The following ENPP2 variants were observed in gnomAD, a reference collection of about 807,000 sequenced individuals.
The protein encoded by ENPP2 is autotaxin.
ENPP2 carries 51 observed loss-of-function variants against 120.2 expected under a neutral mutation model. The ratio of observed to expected loss-of-function variants is 0.42; its 90% CI spans 0.34 to 0.54. The LOEUF (loss-of-function observed/expected upper bound fraction) is 0.54. ENPP2 is among the 20% of genes least tolerant of loss of function. The pLI, the probability that ENPP2 is intolerant of heterozygous loss-of-function variation, is 0.04. For missense variants in ENPP2, 920 were observed against 1,066.5 expected (o/e 0.86, Z 1.91); for synonymous variants, 365 against 366.4 (o/e 1.00, Z 0.04).
chr8:119,651,409 C>T (rs546576367), intron 1 of ENPP2, among the ~76,000 whole-genome samples: 1 of 152,304 alleles, frequency 6.6e-6, no homozygotes, highest in Admixed American at 6.5e-5. Flanking sequence ...TTTATAAAAT[C>T]TTCACAGTAT....
Position 119,569,390 on chromosome 8 carries a change from A to G in ENPP2, c.1918-20T>C, listed in dbSNP as rs371898116. The G allele has an allele frequency of 3.3e-4, 534 of 1,613,260 alleles. 9 individuals are homozygous for G. In the South Asian group the frequency reaches 5.5e-3, roughly 17 times the overall value. Reference sequence around the variant, plus strand: ...CTCAGCCTGCACGGGAGTCAGAGGCACTCAGCAATGCCGTGGCTCTGTTAC... The same window carrying G: ...CTCAGCCTGCACGGGAGTCAGAGGCGCTCAGCAATGCCGTGGCTCTGTTAC... On this transcript the variant is annotated intron_variant, in intron 20 of 24. Coordinates refer to ENST00000075322, the MANE Select transcript of ENPP2 (RefSeq NM_001040092.3).
intron 7 of ENPP2, 141 bp downstream of exon 7, chr8:119,617,023 C>T: frequency 4.7e-6 from 3 of 632,532 alleles, no homozygotes; most frequent in Non-Finnish European, 8.4e-6. Context: ...TTGCTGTGAA[C>T]AAATGACCCA....
chr8:119,628,545 A>G (rs1816438441), intron 2 of ENPP2, among the ~76,000 whole-genome samples: 1 of 152,208 alleles, frequency 6.6e-6, no homozygotes, highest in Admixed American at 6.5e-5. Context: ...TATATCCATA[A>G]GTGGACTATT....
rs900254202 is a variant in ENPP2 at position 119,566,446 on chromosome 8, G to A, written c.2132-1491C>T. ...TTCCTGCCTTCTGAAACTCTGAATG[G>A]CAGAGCAGCCCACAAGAGCCAAAAT... On this transcript the variant is annotated intron_variant, in intron 22 of 24. Coordinates refer to ENST00000075322, the MANE Select transcript of ENPP2 (RefSeq NM_001040092.3). Among the ~76,000 whole-genome samples, 15 of 152,240 alleles carry A rather than the reference G, an allele frequency of 9.9e-5. No individual in the cohort carries two copies. The East Asian group carries it at 2.9e-3, about 29-fold the overall frequency.
intron 8 of ENPP2, 154 bp downstream of exon 8, chr8:119,616,111 T>A: frequency 1.7e-6 from 1 of 577,744 alleles, no homozygotes; most frequent in East Asian, 2.9e-5. Flanking sequence ...ACATATTTCA[T>A]GTTTGTATGT....
intron 8 of ENPP2, among the ~76,000 whole-genome samples, chr8:119,612,126 TG>T (rs1398069137): frequency 1.3e-5 from 2 of 152,084 alleles, no homozygotes; most frequent in African/African-American, 2.4e-5. Flanking sequence ...CTGGAAATGC[TG>T]GGGGAAGGAA....
chr8:119,658,926 G>A, intron 1 of ENPP2, among the ~76,000 whole-genome samples: 1 of 152,154 alleles, frequency 6.6e-6, no homozygotes, highest in Non-Finnish European at 1.5e-5. Flanking sequence ...AGGAGAAAAG[G>A]GATCAGGCAA....
In ENPP2 at chr8:119,626,641, A is replaced by T; in HGVS notation, c.216T>A (p.Pro72=). 2 of 1,614,122 alleles carry T rather than the reference A, an allele frequency of 1.2e-6. No individual in the cohort carries two copies. The highest frequency in any genetic ancestry group is 1.1e-5 in the South Asian group (1 of 91,090). ...RCFELQEAGP[P]DCRCDNLCKS... ...TACACAAGTTGTCACAGCGACAATC[A>T]GGAGGTCCAGCCTCTTGAAGTTCAA... Residue 72 remains proline (P), a synonymous_variant, in exon 3 of 25, where the codon CCT becomes CCA. Coordinates refer to ENST00000075322, the MANE Select transcript of ENPP2 (RefSeq NM_001040092.3).
intron 3 of ENPP2, among the ~76,000 whole-genome samples, chr8:119,623,664 C>T (rs954967485): frequency 1.3e-5 from 2 of 152,052 alleles, no homozygotes; most frequent in South Asian, 4.2e-4. Flanking sequence ...CTCACTCTGT[C>T]GCCTGGGCTA....
chr8:119,588,456 G>A (rs1039696324), intron 13 of ENPP2, among the ~76,000 whole-genome samples: 2 of 149,112 alleles, frequency 1.3e-5, no homozygotes, highest in African/African-American at 4.9e-5. Context: ...TTGAACCCAG[G>A]AGGCAGAGGT....
At chr8:119,673,272 T>A in exon 1 of ENPP2, 4 of 1,535,300 alleles carry the variant, frequency 2.6e-6, no homozygotes, top group Non-Finnish European at 3.5e-6. Context: ...TGGCGGGTCA[T>A]GCTGCGGGAG....
At chr8:119,669,186 A>G (rs1437209745) in intron 1 of ENPP2, among the ~76,000 whole-genome samples, 2 of 152,216 alleles carry the variant, frequency 1.3e-5, no homozygotes, top group African/African-American at 2.4e-5. Flanking sequence ...AGACATTCAC[A>G]TGTCAATCCA....
At chr8:119,594,148 G>A (rs1009302763) in intron 11 of ENPP2, among the ~76,000 whole-genome samples, 6 of 152,232 alleles carry the variant, frequency 3.9e-5, no homozygotes, top group East Asian at 1.9e-4. Context: ...AGAGAAAATC[G>A]ACTTTCTAAT....
intron 21 of ENPP2, 95 bp downstream of exon 21, chr8:119,569,140 C>G: frequency 8.0e-7 from 1 of 1,255,424 alleles, no homozygotes; most frequent in Non-Finnish European, 1.1e-6. Context: ...AGCACCCTCT[C>G]TTGAAGAAAA....
chr8:119,601,756 C>A (rs552889136), intron 9 of ENPP2, among the ~76,000 whole-genome samples: 1 of 152,224 alleles, frequency 6.6e-6, no homozygotes. Context: ...GCAGAAAGGA[C>A]CCTGGTTTCA....
chr8:119,579,504 T>C (rs1360030546), intron 19 of ENPP2, among the ~76,000 whole-genome samples: 1 of 152,154 alleles, frequency 6.6e-6, no homozygotes, highest in East Asian at 1.9e-4. Context: ...AAAGCTGCCC[T>C]TGGCCTACAG....
chr8:119,627,925 G>C (rs764082652), intron 2 of ENPP2, among the ~76,000 whole-genome samples: 10 of 147,886 alleles, frequency 6.8e-5, no homozygotes, highest in Non-Finnish European at 1.0e-4. Flanking sequence ...CACCTTAAAG[G>C]TAAAAATATC....
At chr8:119,622,133 TG>T (rs1815950100) in intron 3 of ENPP2, among the ~76,000 whole-genome samples, 1 of 152,166 alleles carries the variant, frequency 6.6e-6, no homozygotes, top group South Asian at 2.1e-4. Flanking sequence ...TTCACCATGG[TG>T]GCCAGGCTGG....
intron 20 of ENPP2, among the ~76,000 whole-genome samples, chr8:119,569,684 TATAAA>T (rs1048568007): frequency 2.0e-5 from 3 of 151,528 alleles, no homozygotes; most frequent in African/African-American, 7.3e-5. Flanking sequence ...GAAGATAACT[TATAAA>T]ATAACACTCT....
Sources: allele counts gnomAD v4.1 joint callset (sites outside exome capture counted in the v4.1 genomes callset), GRCh38; gene constraint gnomAD v4.1.1; transcripts MANE v1.5; gene names NCBI Gene and HGNC (gene_info 2026-07-23, HGNC 2026-07-21).